Variants in SNX9 observed in about 807,000 individuals in gnomAD.
SNX9 encodes the protein sorting nexin 9, also known as sorting nexin-9.
A neutral mutation model predicts 89.4 loss-of-function variants in SNX9; 44 were observed. The ratio of observed to expected loss-of-function variants is 0.49; its 90% confidence interval spans 0.39 to 0.63. The LOEUF (loss-of-function observed/expected upper bound fraction) is 0.63, where lower values mean the gene tolerates loss of function less well. SNX9 is among the 30% of genes least tolerant of loss of function. SNX9 has a pLI of 0.00. For missense variants in SNX9, 578 were observed against 736.1 expected, an observed-to-expected ratio of 0.79 and a Z score of 2.49; for synonymous variants, 236 against 247.8, an observed-to-expected ratio of 0.95 and a Z score of 0.45.
At chr6:157,852,510 A>G (rs1488032935) in intron 1 of SNX9, among the ~76,000 whole-genome samples, 1 of 152,156 alleles carries the variant, frequency 6.6e-6, no homozygotes, top group Non-Finnish European at 1.5e-5. Context: ...TTCAAATACT[A>G]CAGCACCTCA....
intron 1 of SNX9, among the ~76,000 whole-genome samples, chr6:157,836,793 A>G (rs916891736): frequency 2.4e-4 from 37 of 151,954 alleles, no homozygotes; most frequent in African/African-American, 8.7e-4. Context: ...GGGTTTCACC[A>G]TGTTAGCCCG....
intron 1 of SNX9, among the ~76,000 whole-genome samples, chr6:157,860,095 T>C (rs1489890841): frequency 6.6e-6 from 1 of 152,188 alleles, no homozygotes; most frequent in Non-Finnish European, 1.5e-5. Context: ...CTCGAAAATA[T>C]TTACTATCTG....
intron 5 of SNX9, among the ~76,000 whole-genome samples, chr6:157,900,456 G>A (rs1783072360): frequency 6.6e-6 from 1 of 152,224 alleles, no homozygotes; most frequent in South Asian, 2.1e-4. Flanking sequence ...TTCTCTTTGT[G>A]TTCCCAGGCG....
chr6:157,867,833 G>T (rs1274711485), intron 2 of SNX9, among the ~76,000 whole-genome samples, 200 bp downstream of exon 2: 1 of 152,146 alleles, frequency 6.6e-6, no homozygotes, highest in African/African-American at 2.4e-5. Context: ...GTAAGAAGCT[G>T]TTATATAAAT....
intron 5 of SNX9, 44 bp from the exon 6 acceptor site, chr6:157,901,854 C>CTTT: frequency 3.4e-6 from 5 of 1,456,296 alleles, no homozygotes; most frequent in South Asian, 2.5e-5. Flanking sequence ...TTATTTTGGT[C>CTTT]TTTTTTTTTT....
chr6:157,888,099 C>A (rs934069308), intron 4 of SNX9, among the ~76,000 whole-genome samples: 1 of 152,198 alleles, frequency 6.6e-6, no homozygotes, highest in Non-Finnish European at 1.5e-5. Flanking sequence ...TCATTCACAG[C>A]TGCGATTGGT....
At chr6:157,908,170 G>A (rs3792938) in intron 7 of SNX9, among the ~76,000 whole-genome samples, 35,201 of 151,764 alleles carry the variant, frequency 0.23, 4,245 homozygotes, top group African/African-American at 0.28. Context: ...GGTCTCAGCC[G>A]AAACAAATCT....
At chr6:157,913,136 T>A (rs1191883467) in intron 9 of SNX9, among the ~76,000 whole-genome samples, 3 of 152,222 alleles carry the variant, frequency 2.0e-5, no homozygotes, top group Non-Finnish European at 1.5e-5. Context: ...ATTGTCTTTT[T>A]TCCAAGGCAC....
At chr6:157,926,073 C>T (rs1783685687) in intron 10 of SNX9, among the ~76,000 whole-genome samples, 1 of 152,232 alleles carries the variant, frequency 6.6e-6, no homozygotes, top group Non-Finnish European at 1.5e-5. Context: ...CTAATCACTT[C>T]TTAAAGGCCC....
chr6:157,870,598 C>A (rs1299745291), intron 2 of SNX9, among the ~76,000 whole-genome samples: 2 of 148,452 alleles, frequency 1.3e-5, no homozygotes, highest in East Asian at 4.0e-4. Flanking sequence ...AGCACACACA[C>A]CCCTCAGACA....
chr6:157,892,952 G>A (rs1329395053), intron 4 of SNX9, among the ~76,000 whole-genome samples: 1 of 151,386 alleles, frequency 6.6e-6, no homozygotes, highest in African/African-American at 2.4e-5. Flanking sequence ...CTTGACTGTG[G>A]CCCTCCGAGC....
chr6:157,875,267 A>T (rs1782496632), intron 4 of SNX9, 91 bp downstream of exon 4: 2 of 1,447,236 alleles, frequency 1.4e-6, no homozygotes, highest in Middle Eastern at 2.3e-4. Context: ...AGCTATTGCC[A>T]TTCCCCAAAA....
intron 4 of SNX9, among the ~76,000 whole-genome samples, chr6:157,894,138 C>G (rs868472394): frequency 1.1e-3 from 120 of 111,584 alleles, no homozygotes; most frequent in African/African-American, 3.6e-3. Context: ...GAGACAGAGT[C>G]TCTCTGTGTC....
intron 4 of SNX9, among the ~76,000 whole-genome samples, chr6:157,875,592 G>A (rs1782501825): frequency 6.6e-6 from 1 of 152,160 alleles, no homozygotes; most frequent in Non-Finnish European, 1.5e-5. Flanking sequence ...CACTCTCAGA[G>A]CTAGAGGCCC....
At chr6:157,864,908 A>T (rs1782223891) in intron 1 of SNX9, among the ~76,000 whole-genome samples, 9 of 152,274 alleles carry the variant, frequency 5.9e-5, no homozygotes, top group Middle Eastern at 3.4e-3. Flanking sequence ...CATGCCTGTA[A>T]TCCCAGCTAC....
At chr6:157,917,705 CTA>C (rs1783501543) in intron 9 of SNX9, among the ~76,000 whole-genome samples, 1 of 152,048 alleles carries the variant, frequency 6.6e-6, no homozygotes, top group South Asian at 2.1e-4. Flanking sequence ...TAAATCATCT[CTA>C]GATTAATTAT....
intron 1 of SNX9, among the ~76,000 whole-genome samples, chr6:157,835,713 T>G (rs1249391719): frequency 3.3e-5 from 5 of 152,144 alleles, no homozygotes; most frequent in Non-Finnish European, 7.4e-5. Flanking sequence ...CCACCTTCAC[T>G]CAGTACTTCT....
chr6:157,904,958 G>A (rs1186400663), intron 6 of SNX9, among the ~76,000 whole-genome samples: 4 of 152,160 alleles, frequency 2.6e-5, no homozygotes, highest in East Asian at 3.9e-4. Context: ...CCAAAGAGAG[G>A]ATGACTTAGT....
intron 4 of SNX9, among the ~76,000 whole-genome samples, chr6:157,881,518 C>T (rs1782623450): frequency 6.6e-6 from 1 of 152,166 alleles, no homozygotes; most frequent in Admixed American, 6.5e-5. Flanking sequence ...GTGAGGAAGG[C>T]TTGTCAAAAG....
Sources: gnomAD v4.1 joint callset for allele counts (sites outside exome capture counted in the v4.1 genomes callset) on GRCh38, gnomAD v4.1.1 for gene constraint, MANE v1.5 for transcripts, NCBI Gene and HGNC (gene_info 2026-07-23, HGNC 2026-07-21) for gene names.